TPX2: variants seen among roughly 807,000 people sequenced by gnomAD.
TPX2 encodes the protein TPX2 microtubule nucleation factor.
Under a neutral mutation model 93.6 loss-of-function variants are expected in TPX2, and 21 were observed. The observed-to-expected ratio is 0.22, with a 90% CI of 0.16 to 0.32. The LOEUF is 0.32. Among genes scored for constraint, TPX2 ranks in the 10% least tolerant of loss-of-function variants. The probability of loss-of-function intolerance (pLI) is 1.00; values close to 1 mark genes in which losing one functional copy is unlikely to be tolerated. For missense variants in TPX2, 776 were observed against 871.1 expected (o/e 0.89, Z 1.37); for synonymous variants, 281 against 298.3 (o/e 0.94, Z 0.60).
intron 10 of TPX2, chr20:31,781,154 C>T (rs1484292523): frequency 6.2e-6 from 1 of 161,584 alleles, no homozygotes; most frequent in African/African-American, 2.4e-5. Flanking sequence ...GAGCTCCTGG[C>T]CTCAAGCAGT....
intron 5 of TPX2, among the ~76,000 whole-genome samples, chr20:31,769,378 G>A (rs1267622691): frequency 2.0e-5 from 3 of 149,520 alleles, no homozygotes; most frequent in African/African-American, 7.4e-5. Context: ...GAGTGCAGTG[G>A]TGCGATCTCG....
At chr20:31,798,635 C>G (rs1299922523) in intron 17 of TPX2, 83 bp downstream of exon 17, 1 of 1,433,598 alleles carries the variant, frequency 7.0e-7, no homozygotes. Context: ...CAGACAGGAT[C>G]TAAGGTAGCC....
At chr20:31,771,528 GA>G in intron 6 of TPX2, 31 bp from the exon 7 acceptor site, 3 of 1,604,654 alleles carry the variant, frequency 1.9e-6, no homozygotes, top group Non-Finnish European at 2.5e-6. Flanking sequence ...TCAGGGAATT[GA>G]AAACATATTT....
chr20:31,795,728 A>C (rs957174697), intron 15 of TPX2, among the ~76,000 whole-genome samples: 1 of 152,372 alleles, frequency 6.6e-6, no homozygotes, highest in African/African-American at 2.4e-5. Context: ...GAAATATACA[A>C]TGCTGTTTTC....
chr20:31,783,739 A>G lies in TPX2; in HGVS notation c.1231A>G (p.Ile411Val). ...CAAAGCACGTGAACTTGATCCCAGA[A>G]TACTTGAAGGTGGGCCCATCTTGCC... Reference protein sequence around the residue: ...KFKARELDPRILEGGPILPKK... With the variant: ...KFKARELDPRVLEGGPILPKK... Residue 411 changes from isoleucine to valine, a missense_variant, in exon 12 of 18, where the codon ATA becomes GTA. This residue lies in a region of TPX2 where 461 missense variants were observed against 551.2 expected (regional missense o/e 0.84). Transcript: ENST00000300403. 1.9e-6 allele frequency: 3 copies of G among 1,611,596 alleles called. No individual in the cohort carries two copies. The highest frequency in any genetic ancestry group is 1.1e-5 in the South Asian group (1 of 90,358).
intron 17 of TPX2, among the ~76,000 whole-genome samples, chr20:31,800,123 C>T (rs1429489181): frequency 6.6e-6 from 1 of 152,080 alleles, no homozygotes; most frequent in Non-Finnish European, 1.5e-5. Context: ...GCAGTTGAAA[C>T]AGCTATTGGC....
In TPX2 at chr20:31,770,442, T is replaced by A. The variant is rs1194655877; in HGVS notation, c.456T>A (p.Asp152Glu). Residue 152 changes from aspartate to glutamate, a missense_variant, in exon 6 of 18, where the codon GAT becomes GAA. By Grantham distance (45) the Asp-to-Glu change is conservative. This residue lies in a region of TPX2 where 279 missense variants were observed against 261.6 expected (regional missense o/e 1.07). Coordinates refer to ENST00000300403, the MANE Select transcript of TPX2 (RefSeq NM_012112.5). ...AKRCATPVIIDEILPSKKMKV... is the reference protein window; with the variant it reads ...AKRCATPVIIEEILPSKKMKV... ...GATGTGCCACTCCTGTAATCATCGATGAAATTCTACCCTCTAAGAAAATGA... is the reference window on the plus strand; with the variant it reads ...GATGTGCCACTCCTGTAATCATCGAAGAAATTCTACCCTCTAAGAAAATGA... 1 of 1,593,084 alleles carries A rather than the reference T, an allele frequency of 6.3e-7. No individual in the cohort carries two copies. The highest frequency in any genetic ancestry group is 1.4e-5 in the African/African-American group (1 of 74,068).
At chr20:31,760,296 A>C in intron 4 of TPX2, 117 bp downstream of exon 4, 1 of 1,316,240 alleles carries the variant, frequency 7.6e-7, no homozygotes, top group Non-Finnish European at 1.0e-6. Context: ...TATTGGTGAA[A>C]TGGGCTAATT....
intron 7 of TPX2, among the ~76,000 whole-genome samples, chr20:31,772,096 C>T (rs2061967789): frequency 6.8e-6 from 1 of 147,480 alleles, no homozygotes; most frequent in South Asian, 2.1e-4. Flanking sequence ...TCTTGGCTTA[C>T]TGCAACCTCT....
In TPX2 at chr20:31,787,221, A is replaced by G. The variant is rs138673447; in HGVS notation, c.1413+3300A>G. On this transcript the variant is annotated intron_variant, in intron 12 of 17. Transcript: ENST00000300403. ...GAATAAACACTGAGAGGTATCTAGT[A>G]TGCAGAACCAGAATCTGAGCCCATC... Among the ~76,000 whole-genome samples the G allele has an allele frequency of 5.3e-3, 782 of 148,548 alleles. 5 individuals are homozygous for G. The highest frequency in any genetic ancestry group is 0.018 in the African/African-American group (727 of 39,964).
At chr20:31,763,472 G>A (rs376752693) in intron 4 of TPX2, among the ~76,000 whole-genome samples, 418 of 152,106 alleles carry the variant, frequency 2.7e-3, no homozygotes, top group African/African-American at 8.7e-3. Context: ...GAGCTACTGC[G>A]CCTGTCCTGC....
chr20:31,791,872 C>G (rs2062103952), intron 12 of TPX2, among the ~76,000 whole-genome samples: 1 of 152,108 alleles, frequency 6.6e-6, no homozygotes, highest in Admixed American at 6.5e-5. Flanking sequence ...AAAACAGCAG[C>G]CAAGAGATAC....
chr20:31,797,468 T>A lies in TPX2; in HGVS notation c.1898T>A (p.Ile633Asn). ...TTCAAGGCTCGTCCAAACACCGTCATCTCTCAGGAGCCCTTTGTTCCCAAG... is the reference window on the plus strand; with the variant it reads ...TTCAAGGCTCGTCCAAACACCGTCAACTCTCAGGAGCCCTTTGTTCCCAAG... ...ACFKARPNTV[I>N]SQEPFVPKKE... Residue 633 changes from isoleucine (I) to asparagine (N), a missense_variant, in exon 16 of 18, where the codon ATC (isoleucine) becomes AAC (asparagine). Ile to Asn is a moderately radical substitution (Grantham distance 149). Transcript: ENST00000300403. 6.2e-7 allele frequency: 1 copy of A among 1,614,124 alleles called. No homozygotes were observed. The highest frequency in any genetic ancestry group is 8.5e-7 in the Non-Finnish European group (1 of 1,179,980).
chr20:31,761,394 G>T lies in TPX2; in HGVS notation c.229+1215G>T, dbSNP rs1453267859. ...TTTTTGTATTTTTAGTAGAGACAGG[G>T]TTTCACCATATTGGCCAGGCTGGTC... On this transcript the variant is annotated intron_variant, in intron 4 of 17. Coordinates refer to ENST00000300403, the MANE Select transcript of TPX2 (RefSeq NM_012112.5). Among the ~76,000 whole-genome samples, 3 of 151,996 alleles carry T rather than the reference G, an allele frequency of 2.0e-5. No homozygotes were observed. The East Asian group carries it at 5.8e-4, about 29-fold the overall frequency.
At position 31,766,580 on chromosome 20, in the gene TPX2, C is replaced by A. The variant is rs777717444; in HGVS notation, c.254C>A (p.Ala85Glu). 1.2e-6 allele frequency: 2 copies of A among 1,612,316 alleles called. No homozygotes were observed. Among genetic ancestry groups the A allele is most frequent in the Non-Finnish European group, 1.7e-6 (2 of 1,179,484 alleles). Residue 85 changes from alanine to glutamate, a missense_variant, in exon 5 of 18, where the codon GCA (alanine) becomes GAA (glutamate). Physicochemically the swap from Ala to Glu is moderately radical, Grantham distance 107 (BLOSUM62 -1). This residue lies in a region of TPX2 where 279 missense variants were observed against 261.6 expected (regional missense o/e 1.07). Coordinates refer to ENST00000300403, the MANE Select transcript of TPX2 (RefSeq NM_012112.5). ...GTTGACAACACTTACTACAAAGAGG[C>A]AGAAAAAGAAAATCTTGTGGAACAA... ...KPVDNTYYKE[A>E]EKENLVEQSI...
chr20:31,741,135 A>G (rs1003488420), intron 1 of TPX2, among the ~76,000 whole-genome samples: 4 of 152,170 alleles, frequency 2.6e-5, no homozygotes, highest in Non-Finnish European at 4.4e-5. Context: ...TTCAGGGCTC[A>G]TCTACATCTC....
chr20:31,778,671 T>G, intron 9 of TPX2, 142 bp from the exon 10 acceptor site: 1 of 721,930 alleles, frequency 1.4e-6, no homozygotes, highest in Non-Finnish European at 2.2e-6. Context: ...TAACCCTTGC[T>G]CAAGGACTGA....
At chr20:31,798,589 GC>G in intron 17 of TPX2, 37 bp downstream of exon 17, 1 of 1,550,836 alleles carries the variant, frequency 6.4e-7, no homozygotes, top group Non-Finnish European at 8.7e-7. Context: ...ACACAAACAT[GC>G]CTCTGTTTTA....
chr20:31,773,959 C>T (rs1461347833), intron 7 of TPX2, among the ~76,000 whole-genome samples: 2 of 151,872 alleles, frequency 1.3e-5, no homozygotes, highest in Non-Finnish European at 2.9e-5. Flanking sequence ...GCAACCTCCG[C>T]TTCCCGTGTT....
Sources: allele counts gnomAD v4.1 joint callset (sites outside exome capture counted in the v4.1 genomes callset), GRCh38; gene constraint gnomAD v4.1.1; regional missense constraint gnomAD v4.1.1; transcripts MANE v1.5; gene names NCBI Gene and HGNC (gene_info 2026-07-23, HGNC 2026-07-21).